The following HSPG2 variants were observed in gnomAD, a reference collection of about 807,000 sequenced individuals.
The protein encoded by HSPG2 is heparan sulfate proteoglycan 2.
A neutral mutation model predicts 526.6 loss-of-function variants in HSPG2; 278 were observed. That is an observed-to-expected ratio of 0.53 (90% CI 0.48 to 0.58). The LOEUF (loss-of-function observed/expected upper bound fraction) is 0.58. Ranked by LOEUF, HSPG2 falls within the 20% of genes least tolerant of loss-of-function variation. HSPG2 has a pLI of 0.00. For missense variants in HSPG2, 5,354 were observed against 6,099.5 expected (o/e 0.88, Z 4.07); for synonymous variants, 2,465 against 2,555.4 (o/e 0.96, Z 1.07).
chr1:21,872,067 G>T lies in HSPG2; in HGVS notation c.4221+119C>A. ...GACCAATGTCTATGGGACTGCAAAA[G>T]CCACGTGCCTAACCACGATATGGCC... On this transcript the variant is annotated intron_variant, in intron 33 of 96. Coordinates refer to ENST00000374695, the MANE Select transcript of HSPG2 (RefSeq NM_005529.7). This position sits in a 1 kb window ranked among gnomAD's most constrained non-coding sequence, Gnocchi z 5.5. 3 of 1,103,320 alleles carry T rather than the reference G, an allele frequency of 2.7e-6. No individual in the cohort carries two copies. The highest frequency in any genetic ancestry group is 4.0e-6 in the Non-Finnish European group (3 of 744,676). The allele number at this position is 1,103,320 out of a possible 1,614,324, so 68.3% of individuals were successfully genotyped here.
intron 1 of HSPG2, among the ~76,000 whole-genome samples, chr1:21,933,219 C>CAA (rs60550984): frequency 1.4e-4 from 13 of 94,264 alleles, no homozygotes; most frequent in East Asian, 5.8e-4. Flanking sequence ...GACCCTGTCT[C>CAA]AAAAAAAAAA....
chr1:21,873,305 G>A (rs1246919613), intron 30 of HSPG2, 70 bp downstream of exon 30: 2 of 1,549,570 alleles, frequency 1.3e-6, no homozygotes, highest in Non-Finnish European at 1.8e-6. Flanking sequence ...GGGAGTAAAG[G>A]CTTCTGTCCT....
intron 30 of HSPG2, 116 bp from the exon 31 acceptor site, chr1:21,873,207 C>G: frequency 8.8e-7 from 1 of 1,136,608 alleles, no homozygotes; most frequent in Middle Eastern, 2.2e-4. Flanking sequence ...GTACTCAACA[C>G]TCTCACGACA....
chr1:21,903,298 C>A (rs977568070), intron 1 of HSPG2, among the ~76,000 whole-genome samples: 1 of 152,174 alleles, frequency 6.6e-6, no homozygotes, highest in Non-Finnish European at 1.5e-5. Flanking sequence ...TAGTTCTCTC[C>A]GCTATGAAAT....
chr1:21,877,072 A>AAG (rs1553169414), intron 21 of HSPG2, among the ~76,000 whole-genome samples: 180 of 151,368 alleles, frequency 1.2e-3, no homozygotes, highest in African/African-American at 3.8e-3. Context: ...AAAAAAAAAA[A>AAG]AAAAGAAAAG....
chr1:21,864,293 G>T lies in HSPG2; in HGVS notation c.4627-80C>A. ...AGCAGACCCAGAACCCCTCCCTCCA[G>T]TGTCCTCCCAGGGGTGACCCTGGAA... On this transcript the variant is annotated intron_variant, in intron 36 of 96. Coordinates refer to ENST00000374695, the MANE Select transcript of HSPG2 (RefSeq NM_005529.7). This position sits in a 1 kb window ranked among gnomAD's most constrained non-coding sequence, Gnocchi z 4.8. 1 of 1,168,326 alleles carries T rather than the reference G, an allele frequency of 8.6e-7. No homozygotes were observed. The allele number at this position is 1,168,326 out of a possible 1,614,324, so 72.4% of individuals were successfully genotyped here. A position where few individuals can be genotyped will look rare whatever the true frequency, so the allele number is the denominator to read the frequency against.
Position 21,885,444 on chromosome 1 carries a change from C to T in HSPG2, c.1086G>A (p.Lys362=), listed in dbSNP as rs189837148. ...TGGGCCCGCACACTTCCTCAGGACG[C>T]TTGGTGGCTGGGGACAAAGCCAGGT... ...DRTDEANCPT[K]RPEEVCGPTQ... Residue 362 remains lysine, a synonymous_variant, in exon 10 of 97, where the codon AAG becomes AAA. Transcript: ENST00000374695. 9.7e-5 allele frequency: 157 copies of T among 1,614,062 alleles called. No individual in the cohort carries two copies. The highest frequency in any genetic ancestry group is 1.3e-4 in the Non-Finnish European group (148 of 1,179,996).
At chr1:21,876,819 G>T (rs1311600326) in intron 21 of HSPG2, among the ~76,000 whole-genome samples, 167 bp from the exon 22 acceptor site, 1 of 152,186 alleles carries the variant, frequency 6.6e-6, no homozygotes, top group Admixed American at 6.5e-5. Context: ...AGCACTTTGG[G>T]AGGCCAAGGC....
intron 64 of HSPG2, among the ~76,000 whole-genome samples, chr1:21,844,830 G>GAA (rs540898799): frequency 2.0e-5 from 3 of 152,346 alleles, no homozygotes; most frequent in African/African-American, 7.2e-5. Flanking sequence ...CAACACCTAA[G>GAA]AAGTGCTGGA....
Position 21,850,140 on chromosome 1 carries a change from G to C in HSPG2, c.7347C>G (p.Ala2449=), listed in dbSNP as rs765923626. 1.2e-5 allele frequency: 20 copies of C among 1,613,400 alleles called. No individual in the cohort carries two copies. In the East Asian group the frequency reaches 4.5e-4, roughly 36 times the overall value. Residue 2449 remains alanine (A), a synonymous_variant, in exon 57 of 97, where the codon GCC becomes GCG. Transcript: ENST00000374695. ...AGTTCAGGTCCAGGGTCTGCCCCTC[G>C]GCCACTTGCGAAGACGATGACTCGA... The part of the protein sequence containing the change: ...VRIESSSSQV[A]EGQTLDLNCL...
Position 21,895,629 on chromosome 1 carries a change from G to C in HSPG2, c.244+293C>G, listed in dbSNP as rs1398419074. Among the ~76,000 whole-genome samples the C allele has an allele frequency of 6.6e-6, 1 of 152,184 alleles. No homozygotes were observed. Among genetic ancestry groups the C allele is most frequent in the Non-Finnish European group, 1.5e-5 (1 of 68,026 alleles). ...CCCTGGGAGGTGAGAACTTTGCTTT[G>C]AATGTGAAACAGCTGACTGGCTGTC... On this transcript the variant is annotated intron_variant, in intron 3 of 96. Transcript: ENST00000374695. The surrounding 1 kb of genome is among the most constrained non-coding windows in gnomAD (Gnocchi z 4.1).
In HSPG2 at chr1:21,874,457, G is replaced by T; in HGVS notation, c.3605C>A (p.Thr1202Lys). Residue 1202 changes from threonine (T) to lysine (K), a missense_variant, in exon 28 of 97, where the codon ACA becomes AAA. Thr to Lys is a moderately conservative substitution (Grantham distance 78). Coordinates refer to ENST00000374695, the MANE Select transcript of HSPG2 (RefSeq NM_005529.7). ...PGYYGDAQRG[T>K]PQDCQLCPCY... ...GGGGCACAGCTGGCAGTCCTGTGGT[G>T]TCCCCCGCTGGGCGTCCCCGTAGTA... The T allele has an allele frequency of 4.3e-6, 7 of 1,612,148 alleles. No individual in the cohort carries two copies. Among genetic ancestry groups the T allele is most frequent in the Non-Finnish European group, 5.1e-6 (6 of 1,179,942 alleles).
chr1:21,919,216 G>A (rs1196756884), intron 1 of HSPG2, among the ~76,000 whole-genome samples: 3 of 152,028 alleles, frequency 2.0e-5, no homozygotes, highest in African/African-American at 4.8e-5. Flanking sequence ...ACTTGAGGTC[G>A]GGAGTTTGAG....
At chr1:21,835,264 C>G (rs1159186144) in intron 76 of HSPG2, 1 of 596,844 alleles carries the variant, frequency 1.7e-6, no homozygotes, top group African/African-American at 1.8e-5. Context: ...GGTGGGACTA[C>G]AGGTGCGTTC....
Position 21,827,908 on chromosome 1 carries a change from C to G in HSPG2, c.12544G>C (p.Gly4182Arg). Residue 4182 changes from glycine to arginine, a missense_variant, in exon 91 of 97, where the codon GGC (glycine) becomes CGC (arginine). Physicochemically the swap from Gly to Arg is moderately radical, Grantham distance 125. Transcript: ENST00000374695. ...AGATGCCAGTCGGACTCTGCTATGC[C>G]ATGTCCAGAGCCTATGGAGAAGGGC... ...GPRCQQGSGH[G>R]IAESDWHLEG... The G allele has an allele frequency of 1.2e-6, 2 of 1,600,886 alleles. No homozygotes were observed. Among genetic ancestry groups the G allele is most frequent in the Non-Finnish European group, 1.7e-6 (2 of 1,174,188 alleles).
chr1:21,824,403 G>A lies in HSPG2; in HGVS notation c.12745-27C>T. On this transcript the variant is annotated intron_variant, in intron 93 of 96. Coordinates refer to ENST00000374695, the MANE Select transcript of HSPG2 (RefSeq NM_005529.7). This position sits in a 1 kb window ranked among gnomAD's most constrained non-coding sequence, Gnocchi z 5.9. The stretch of plus-strand genomic sequence containing the variant: ...TGCCAGGGAAGCACAGGGTCTCTGG[G>A]GTCCCCAGCCTGGAGAGCAGAGGCT... 6.2e-7 allele frequency: 1 copy of A among 1,612,652 alleles called. No homozygotes were observed. The highest frequency in any genetic ancestry group is 8.5e-7 in the Non-Finnish European group (1 of 1,179,114).
rs892820543 is a variant in HSPG2 at position 21,876,060 on chromosome 1, C to A, written c.3004-18G>T. 6.2e-7 allele frequency: 1 copy of A among 1,613,516 alleles called. No individual in the cohort carries two copies. Among genetic ancestry groups the A allele is most frequent in the South Asian group, 1.1e-5 (1 of 91,086 alleles). ...GAGGTCACCTGGGACCAGGGTTAGACAGGAGCTTGCGGAGGCCTGAATTCG... is the reference window on the plus strand; with the variant it reads ...GAGGTCACCTGGGACCAGGGTTAGAAAGGAGCTTGCGGAGGCCTGAATTCG... On this transcript the variant is annotated intron_variant, in intron 23 of 96. Coordinates refer to ENST00000374695, the MANE Select transcript of HSPG2 (RefSeq NM_005529.7).
chr1:21,871,211 G>C (rs1374697957), intron 33 of HSPG2, among the ~76,000 whole-genome samples: 3 of 147,686 alleles, frequency 2.0e-5, no homozygotes, highest in African/African-American at 7.5e-5. Flanking sequence ...ACCAGACCCT[G>C]TTCTGGAGTA....
At chr1:21,850,337 C>A (rs372607258) in intron 56 of HSPG2, 26 bp downstream of exon 56, 2 of 1,601,868 alleles carry the variant, frequency 1.2e-6, no homozygotes, top group East Asian at 2.3e-5. Context: ...GGGTCCCCAG[C>A]CCTGCCCTCC....
Sources: gnomAD v4.1 joint callset for allele counts (sites outside exome capture counted in the v4.1 genomes callset) on GRCh38, gnomAD v4.1.1 for gene constraint, Gnocchi (gnomAD v3.1) non-coding constraint, MANE v1.5 for transcripts, NCBI Gene and HGNC (gene_info 2026-07-23, HGNC 2026-07-21) for gene names.